The following PLCG1 variants were observed in gnomAD, a reference collection of about 807,000 sequenced individuals.
The protein encoded by PLCG1 is phospholipase C gamma 1, also known as 1-phosphatidylinositol 4,5-bisphosphate phosphodiesterase gamma-1.
PLCG1 carries 71 observed loss-of-function variants against 177.8 expected under a neutral mutation model. That is an observed-to-expected ratio of 0.40 (90% CI 0.33 to 0.49). The LOEUF (loss-of-function observed/expected upper bound fraction) is 0.49, where lower values mean the gene tolerates loss of function less well. Ranked by LOEUF, PLCG1 falls within the 20% of genes least tolerant of loss-of-function variation. The pLI, the probability that PLCG1 is intolerant of heterozygous loss-of-function variation, is 0.72. For missense variants in PLCG1, 1,281 were observed against 1,709.0 expected (o/e 0.75, Z 4.42); for synonymous variants, 658 against 647.9 (o/e 1.02, Z -0.24).
Position 41,164,752 on chromosome 20 carries a change from C to T in PLCG1, c.1218-181C>T, listed in dbSNP as rs2035624947. On this transcript the variant is annotated intron_variant, in intron 12 of 31. Coordinates refer to ENST00000685551, the MANE Select transcript of PLCG1 (RefSeq NM_002660.3). This position sits in a 1 kb window ranked among gnomAD's most constrained non-coding sequence, Gnocchi z 6.4. ...AGTTGCCACCCTTTGGTTTCCACTG[C>T]TGCCACAGCTGTAGAACCCCTCTCT... Among the ~76,000 whole-genome samples, 1 of 152,190 alleles carries T rather than the reference C, an allele frequency of 6.6e-6. No homozygotes were observed. The highest frequency in any genetic ancestry group is 6.5e-5 in the Admixed American group (1 of 15,284).
rs746118394 is a variant in PLCG1 at position 41,174,357 on chromosome 20, G to T, written c.3833+46G>T. ...CTAGAGCCAGGAAGGCAGTGGCTAG[G>T]TCCTCCTTCTTCAGTGTTTCTTTCT... On this transcript the variant is annotated intron_variant, in intron 31 of 31. Coordinates refer to ENST00000685551, the MANE Select transcript of PLCG1 (RefSeq NM_002660.3). The surrounding 1 kb of genome is among the most constrained non-coding windows in gnomAD (Gnocchi z 5.8). 1.9e-6 allele frequency: 3 copies of T among 1,603,254 alleles called. No homozygotes were observed. Among genetic ancestry groups the T allele is most frequent in the Admixed American group, 3.3e-5 (2 of 59,876 alleles).
At chr20:41,152,973 G>A (rs1916605494) in intron 1 of PLCG1, among the ~76,000 whole-genome samples, 2 of 152,222 alleles carry the variant, frequency 1.3e-5, no homozygotes, top group African/African-American at 2.4e-5. Flanking sequence ...ACCCTTTTGA[G>A]GAGGGCTGGG....
Position 41,162,521 on chromosome 20 carries a change from C to G in PLCG1, c.582C>G (p.Leu194=), listed in dbSNP as rs1250810970. ...VNYRVPNMRF[L]RERLTDLEQR... is the part of the protein sequence containing the mutation. ...ACCGGGTCCCCAACATGCGCTTCCT[C>G]CGAGAGCGGCTGACGGTAAGTGCCA... Residue 194 remains leucine (L), a synonymous_variant, in exon 5 of 32, where the codon CTC becomes CTG. Coordinates refer to ENST00000685551, the MANE Select transcript of PLCG1 (RefSeq NM_002660.3). The G allele has an allele frequency of 2.5e-6, 4 of 1,613,842 alleles. No individual in the cohort carries two copies. Among genetic ancestry groups the G allele is most frequent in the Non-Finnish European group, 3.4e-6 (4 of 1,179,912 alleles).
At position 41,152,072 on chromosome 20, in the gene PLCG1, C is replaced by CA. The variant is rs200287988; in HGVS notation, c.218-7534_218-7533insA. On this transcript the variant is annotated intron_variant, in intron 1 of 31. Transcript: ENST00000685551. ...TTTCAGCATCCTCTGGTGGAGAAGG[C>CA]TTAGCTCCATTAATGCTCTCCTAGG... Among the ~76,000 whole-genome samples, 1,067 of 152,292 alleles carry CA rather than the reference C, an allele frequency of 7.0e-3. 13 individuals carry two copies. Among genetic ancestry groups the CA allele is most frequent in the African/African-American group, 0.024 (1,010 of 41,554 alleles).
In PLCG1 at chr20:41,162,235, G is replaced by GTTT. The variant is rs11426520; in HGVS notation, c.513-199_513-197dup. The stretch of plus-strand genomic sequence containing the variant: ...GGTTTTTTTTGTTTGTTTTGTTTTT[G>GTTT]TTTTTTTTTTTTTTTTTTTTGCTCA... On this transcript the variant is annotated intron_variant, in intron 4 of 31. Coordinates refer to ENST00000685551, the MANE Select transcript of PLCG1 (RefSeq NM_002660.3). The GTTT allele has an allele frequency of 7.9e-4, 113 of 143,636 alleles. 5 individuals carry two copies. Among genetic ancestry groups the GTTT allele is most frequent in the East Asian group, 6.4e-3 (31 of 4,812 alleles). 8.9% of individuals were successfully genotyped at this position (143,636 alleles called of 1,614,324 possible).
intron 24 of PLCG1, chr20:41,170,535 A>G: frequency 2.4e-6 from 1 of 408,954 alleles, no homozygotes; most frequent in Non-Finnish European, 4.4e-6. Context: ...ACAAGACCAG[A>G]GGTAAGAGGA....
rs142542349 is a variant in PLCG1 at position 41,166,178 on chromosome 20, T to A, written c.1800-16T>A. 1 of 1,609,086 alleles carries A rather than the reference T, an allele frequency of 6.2e-7. No individual in the cohort carries two copies. ...GCCTGTTTTCCCCAGCCTCCCTCAC[T>A]CTGTGTCTTCCACAGGCGGAACGGG... On this transcript the variant is annotated splice_polypyrimidine_tract_variant and intron_variant, in intron 16 of 31. Coordinates refer to ENST00000685551, the MANE Select transcript of PLCG1 (RefSeq NM_002660.3). This position sits in a 1 kb window ranked among gnomAD's most constrained non-coding sequence, Gnocchi z 8.6.
Position 41,164,507 on chromosome 20 carries a change from C to T in PLCG1, c.1217+306C>T, listed in dbSNP as rs184661282. Among the ~76,000 whole-genome samples the T allele has an allele frequency of 1.1e-4, 16 of 152,256 alleles. No individual in the cohort carries two copies. Among genetic ancestry groups the T allele is most frequent in the Non-Finnish European group, 2.4e-4 (16 of 68,032 alleles). On this transcript the variant is annotated intron_variant, in intron 12 of 31. Transcript: ENST00000685551. This position sits in a 1 kb window ranked among gnomAD's most constrained non-coding sequence, Gnocchi z 6.4. ...TTTCTTTAGGCCAGTGTCCTGCCAA[C>T]TCCTTTGCCCTCACAGCCCAGAAGA...
chr20:41,149,968 C>T (rs6093444), intron 1 of PLCG1, among the ~76,000 whole-genome samples: 8,316 of 151,884 alleles, frequency 0.055, 753 homozygotes, highest in African/African-American at 0.19. Flanking sequence ...CCAAGACTGG[C>T]GAGTCATTTG....
At chr20:41,169,677 C>T in intron 23 of PLCG1, 151 bp downstream of exon 23, 1 of 659,930 alleles carries the variant, frequency 1.5e-6, no homozygotes, top group Non-Finnish European at 2.7e-6. Context: ...ATCCCCTTGA[C>T]ACCCTGGGCT....
Position 41,163,798 on chromosome 20 carries a change from T to A in PLCG1, c.975T>A (p.Pro325=). The A allele has an allele frequency of 1.2e-6, 2 of 1,613,766 alleles. No homozygotes were observed. Among genetic ancestry groups the A allele is most frequent in the Non-Finnish European group, 1.7e-6 (2 of 1,179,644 alleles). Residue 325 remains proline (P), a synonymous_variant, in exon 10 of 32, where the codon CCT becomes CCA. Coordinates refer to ENST00000685551, the MANE Select transcript of PLCG1 (RefSeq NM_002660.3). This position sits in a 1 kb window ranked among gnomAD's most constrained non-coding sequence, Gnocchi z 5.2. ...TATGCCCGGACACCATGAACAACCC[T>A]CTTTCCCACTACTGGATCTCCTCCT... ...DAVCPDTMNN[P]LSHYWISSSH... is the part of the protein sequence containing the mutation.
chr20:41,174,249 G>A lies in PLCG1; in HGVS notation c.3771G>A (p.Pro1257=), dbSNP rs374152526. The A allele has an allele frequency of 7.4e-5, 119 of 1,614,062 alleles. No individual in the cohort carries two copies. The highest frequency in any genetic ancestry group is 1.6e-4 in the Middle Eastern group (1 of 6,084). Residue 1257 remains proline, a synonymous_variant, in exon 31 of 32, where the codon CCG becomes CCA. Coordinates refer to ENST00000685551, the MANE Select transcript of PLCG1 (RefSeq NM_002660.3). This position sits in a 1 kb window ranked among gnomAD's most constrained non-coding sequence, Gnocchi z 5.8. The part of the protein sequence containing the change: ...EGSFESRYQQ[P]FEDFRISQEH... ...CCTTTGAATCCCGCTACCAGCAGCC[G>A]TTTGAGGACTTCCGCATCTCCCAGG...
chr20:41,143,602 C>G lies in PLCG1; in HGVS notation c.217+5744C>G, dbSNP rs539348374. 2.0e-5 allele frequency among the ~76,000 whole-genome samples: 3 copies of G among 152,274 alleles called. No homozygotes were observed. In the East Asian group the frequency reaches 5.8e-4, roughly 29 times the overall value. On this transcript the variant is annotated intron_variant, in intron 1 of 31. Coordinates refer to ENST00000685551, the MANE Select transcript of PLCG1 (RefSeq NM_002660.3). ...ACAGGTGGCAAGACTCAAGGTGGAGCCACGGGTGAGGAGTGGCTTCAGGCT... is the reference window on the plus strand; with the variant it reads ...ACAGGTGGCAAGACTCAAGGTGGAGGCACGGGTGAGGAGTGGCTTCAGGCT...
At position 41,160,289 on chromosome 20, in the gene PLCG1, G is replaced by C; in HGVS notation, c.512+136G>C. On this transcript the variant is annotated intron_variant, in intron 4 of 31. Coordinates refer to ENST00000685551, the MANE Select transcript of PLCG1 (RefSeq NM_002660.3). The surrounding 1 kb of genome is among the most constrained non-coding windows in gnomAD (Gnocchi z 5.5). ...GTGGGGCCAGGAGGGTGGGCAGAAG[G>C]TTCTGCCACGTGTAGCTTTCTGCAC... is the stretch of plus-strand genomic sequence containing the variant. The C allele has an allele frequency of 1.3e-6, 1 of 756,950 alleles. No individual in the cohort carries two copies. The highest frequency in any genetic ancestry group is 1.5e-5 in the South Asian group (1 of 67,516). 46.9% of individuals were successfully genotyped at this position (756,950 alleles called of 1,614,324 possible).
rs757047555 is a variant in PLCG1, at chr20:41,159,558, A to C, written c.218-48A>C. On this transcript the variant is annotated intron_variant, in intron 1 of 31. Transcript: ENST00000685551. This position sits in a 1 kb window ranked among gnomAD's most constrained non-coding sequence, Gnocchi z 6.0. ...CCAGGCTGCCCTCCTTTCGGTGTTG[A>C]CTCTGGGAGACCCCAGCTTGATCTT... 1 of 1,599,526 alleles carries C rather than the reference A, an allele frequency of 6.3e-7. No homozygotes were observed. Among genetic ancestry groups the C allele is most frequent in the South Asian group, 1.1e-5 (1 of 89,662 alleles).
rs112735832 is a variant in PLCG1, at chr20:41,176,818, G to C, written c.*2309G>C. The stretch of plus-strand genomic sequence containing the variant: ...TGACCCAGAAGGCAGAGTGTTTGTT[G>C]GTGGGGAAGACCCTTACTTGGGGCC... On this transcript the variant is annotated 3_prime_UTR_variant, in exon 32 of 32. Transcript: ENST00000685551. The C allele has an allele frequency of 6.8e-6, 1 of 148,024 alleles. No homozygotes were observed. Among genetic ancestry groups the C allele is most frequent in the Non-Finnish European group, 1.5e-5 (1 of 66,100 alleles). The allele number at this position is 148,024 out of a possible 1,614,324, so 9.2% of individuals were successfully genotyped here. A position where few individuals can be genotyped will look rare whatever the true frequency, so the allele number is the denominator to read the frequency against.
rs2035179191 is a variant in PLCG1 at position 41,151,948 on chromosome 20, A to C, written c.218-7658A>C. ...CAGTGCAGTGCCTGCCGTACCCCAC[A>C]GGGAGTTGTATAGGAACCTGGGGAT... is the stretch of plus-strand genomic sequence containing the variant. On this transcript the variant is annotated intron_variant, in intron 1 of 31. Coordinates refer to ENST00000685551, the MANE Select transcript of PLCG1 (RefSeq NM_002660.3). This position sits in a 1 kb window ranked among gnomAD's most constrained non-coding sequence, Gnocchi z 5.5. Among the ~76,000 whole-genome samples, 2 of 152,220 alleles carry C rather than the reference A, an allele frequency of 1.3e-5. No homozygotes were observed. Among genetic ancestry groups the C allele is most frequent in the Non-Finnish European group, 2.9e-5 (2 of 68,032 alleles).
In PLCG1 at chr20:41,144,617, C is replaced by T. The variant is rs1410998202; in HGVS notation, c.217+6759C>T. Among the ~76,000 whole-genome samples, 3 of 152,236 alleles carry T rather than the reference C, an allele frequency of 2.0e-5. No homozygotes were observed. The highest frequency in any genetic ancestry group is 6.5e-5 in the Admixed American group (1 of 15,286). On this transcript the variant is annotated intron_variant, in intron 1 of 31. Transcript: ENST00000685551. This position sits in a 1 kb window ranked among gnomAD's most constrained non-coding sequence, Gnocchi z 4.1. ...CACTTCCGCCTAAGCTTCTACAGAACATGGGAACCTGGGGCTCCATGCCCC... is the reference window on the plus strand; with the variant it reads ...CACTTCCGCCTAAGCTTCTACAGAATATGGGAACCTGGGGCTCCATGCCCC...
In PLCG1 at chr20:41,153,234, T is replaced by G. The variant is rs1248125742; in HGVS notation, c.218-6372T>G. 6.6e-6 allele frequency among the ~76,000 whole-genome samples: 1 copy of G among 152,236 alleles called. No homozygotes were observed. The highest frequency in any genetic ancestry group is 2.4e-5 in the African/African-American group (1 of 41,458). ...GCATGTTTAAATGGATAGTTTTTGCTACCATTTACATCAATTAGCTTACAC... is the reference window on the plus strand; with the variant it reads ...GCATGTTTAAATGGATAGTTTTTGCGACCATTTACATCAATTAGCTTACAC... On this transcript the variant is annotated intron_variant, in intron 1 of 31. Transcript: ENST00000685551. The surrounding 1 kb of genome is among the most constrained non-coding windows in gnomAD (Gnocchi z 5.1).
Sources: gnomAD v4.1 joint callset for allele counts (sites outside exome capture counted in the v4.1 genomes callset) on GRCh38, gnomAD v4.1.1 for gene constraint, Gnocchi (gnomAD v3.1) non-coding constraint, MANE v1.5 for transcripts, NCBI Gene and HGNC (gene_info 2026-07-23, HGNC 2026-07-21) for gene names.